The following PAXIP1 variants were observed in gnomAD, a reference collection of about 807,000 sequenced individuals.
PAXIP1 encodes the protein PAX interacting protein 1.
In PAXIP1, 19 loss-of-function variants were observed where a neutral mutation model predicts 140.6. The observed-to-expected ratio is 0.14, with a 90% CI of 0.09 to 0.20. The LOEUF (loss-of-function observed/expected upper bound fraction) is 0.20, where lower values mean the gene tolerates loss of function less well. Ranked by LOEUF, PAXIP1 falls within the 10% of genes least tolerant of loss-of-function variation. PAXIP1 has a pLI of 1.00. For synonymous variants in PAXIP1, 442 were observed against 444.6 expected (o/e 0.99, Z 0.07); for missense variants, 920 against 1,208.6 (o/e 0.76, Z 3.54).
In PAXIP1 at chr7:154,986,275, T is replaced by C. The variant is rs922980751; in HGVS notation, c.325-2943A>G. 6.5e-6 allele frequency: 5 copies of C among 763,944 alleles called. No individual in the cohort carries two copies. Among genetic ancestry groups the C allele is most frequent in the East Asian group, 6.3e-5 (1 of 15,804 alleles). The allele number at this position is 763,944 out of a possible 1,614,324, so 47.3% of individuals were successfully genotyped here. On this transcript the variant is annotated intron_variant, in intron 4 of 20. Transcript: ENST00000404141. This position sits in a 1 kb window ranked among gnomAD's most constrained non-coding sequence, Gnocchi z 4.8. Reference sequence around the variant, plus strand: ...CCTGGCGTGTGCATGTGAGTGTGTGTGCGCATGGGTGCTCCAGTGTGCAGA... The same window carrying C: ...CCTGGCGTGTGCATGTGAGTGTGTGCGCGCATGGGTGCTCCAGTGTGCAGA...
At position 154,963,960 on chromosome 7, in the gene PAXIP1, T is replaced by A; in HGVS notation, c.1894-194A>T. On this transcript the variant is annotated intron_variant, in intron 8 of 20. Transcript: ENST00000404141. This position sits in a 1 kb window ranked among gnomAD's most constrained non-coding sequence, Gnocchi z 4.1. ...ACCATACAATGAAAATGAACTCCAA[T>A]ACTCTAAATTTAATCTGAATTCCCA... 2 of 551,740 alleles carry A rather than the reference T, an allele frequency of 3.6e-6. No homozygotes were observed. The highest frequency in any genetic ancestry group is 4.3e-5 in the South Asian group (2 of 46,786). 34.2% of individuals were successfully genotyped at this position (551,740 alleles called of 1,614,324 possible).
chr7:154,953,529 G>A (rs1378796474), intron 16 of PAXIP1, among the ~76,000 whole-genome samples: 1 of 152,100 alleles, frequency 6.6e-6, no homozygotes, highest in Non-Finnish European at 1.5e-5. Flanking sequence ...GAGGATGGAG[G>A]ACACAGCTGG....
chr7:154,961,184 G>T, intron 11 of PAXIP1, 107 bp from the exon 12 acceptor site: 1 of 900,152 alleles, frequency 1.1e-6, no homozygotes, highest in Non-Finnish European at 1.6e-6. Context: ...TCTCATAATA[G>T]AAGTGGGAGG....
At chr7:154,999,699 G>A in intron 1 of PAXIP1, among the ~76,000 whole-genome samples, 1 of 152,162 alleles carries the variant, frequency 6.6e-6, no homozygotes, top group Non-Finnish European at 1.5e-5. Flanking sequence ...ACAAGGACGT[G>A]TTTTAGTTTG....
At chr7:154,945,521 A>G in intron 20 of PAXIP1, 1 of 985,402 alleles carries the variant, frequency 1.0e-6, no homozygotes, top group Non-Finnish European at 1.2e-6. Flanking sequence ...GCCTTACTGA[A>G]GCAGTCCTAT....
At chr7:155,000,810 T>C (rs1810853908) in intron 1 of PAXIP1, 1 of 152,252 alleles carries the variant, frequency 6.6e-6, no homozygotes, top group South Asian at 2.1e-4. Context: ...AATGCCTTCA[T>C]TCCTCAGCAC....
At chr7:154,969,526 G>A (rs1372606584) in intron 6 of PAXIP1, among the ~76,000 whole-genome samples, 4 of 152,208 alleles carry the variant, frequency 2.6e-5, no homozygotes, top group East Asian at 3.9e-4. Context: ...CATCAGCTCC[G>A]CAGACCCTCT....
chr7:154,954,154 AG>A lies in PAXIP1; in HGVS notation c.2821+100del. On this transcript the variant is annotated intron_variant, in intron 16 of 20. Coordinates refer to ENST00000404141, the MANE Select transcript of PAXIP1 (RefSeq NM_007349.4). This position sits in a 1 kb window ranked among gnomAD's most constrained non-coding sequence, Gnocchi z 5.1. Reference sequence around the variant, plus strand: ...AAATTTAAATGAATAACTATCACATAGTTTAAAAATTAAATATTTGTTGGGA... The same window carrying A: ...AAATTTAAATGAATAACTATCACATATTTAAAAATTAAATATTTGTTGGGA... The A allele has an allele frequency of 1.2e-6, 1 of 823,028 alleles. No individual in the cohort carries two copies. The highest frequency in any genetic ancestry group is 1.8e-6 in the Non-Finnish European group (1 of 562,438). 51.0% of individuals were successfully genotyped at this position (823,028 alleles called of 1,614,324 possible).
chr7:154,985,436 C>T (rs943721403), intron 4 of PAXIP1, among the ~76,000 whole-genome samples: 1 of 152,174 alleles, frequency 6.6e-6, no homozygotes, highest in Non-Finnish European at 1.5e-5. Flanking sequence ...GCACTGCCCC[C>T]ACGTGCACCT....
At chr7:154,985,503 C>T (rs1002887622) in intron 4 of PAXIP1, among the ~76,000 whole-genome samples, 1 of 152,146 alleles carries the variant, frequency 6.6e-6, no homozygotes, top group African/African-American at 2.4e-5. Context: ...CTCCGACCTC[C>T]TCCTCTAAGA....
chr7:154,982,401 G>C (rs1809884589), intron 5 of PAXIP1, among the ~76,000 whole-genome samples: 1 of 146,850 alleles, frequency 6.8e-6, no homozygotes, highest in Non-Finnish European at 1.5e-5. Context: ...ATCCAGACTG[G>C]AGTGCAGTGG....
At chr7:154,999,395 C>T (rs1446287087) in intron 1 of PAXIP1, among the ~76,000 whole-genome samples, 2 of 152,134 alleles carry the variant, frequency 1.3e-5, no homozygotes, top group Non-Finnish European at 2.9e-5. Context: ...AAAAGTAGCA[C>T]AGATTTCATA....
chr7:154,987,183 C>A (rs1017724502), intron 4 of PAXIP1, among the ~76,000 whole-genome samples: 4 of 152,180 alleles, frequency 2.6e-5, no homozygotes, highest in Admixed American at 6.5e-5. Context: ...TCTACTTAGA[C>A]CCCTTAGCCT....
In PAXIP1 at chr7:154,986,785, C is replaced by T. The variant is rs138741365; in HGVS notation, c.325-3453G>A. On this transcript the variant is annotated intron_variant, in intron 4 of 20. Coordinates refer to ENST00000404141, the MANE Select transcript of PAXIP1 (RefSeq NM_007349.4). This position sits in a 1 kb window ranked among gnomAD's most constrained non-coding sequence, Gnocchi z 4.8. Reference sequence around the variant, plus strand: ...ACACACTGGGGATTCCAATTCATCACGCTAAGTGATGAACTGCGGGAAGTA... The same window carrying T: ...ACACACTGGGGATTCCAATTCATCATGCTAAGTGATGAACTGCGGGAAGTA... Among the ~76,000 whole-genome samples, 974 of 152,242 alleles carry T rather than the reference C, an allele frequency of 6.4e-3. 14 individuals carry two copies. Among genetic ancestry groups the T allele is most frequent in the African/African-American group, 0.022 (933 of 41,556 alleles).
In PAXIP1 at chr7:154,954,482, GAC is replaced by G; in HGVS notation, c.2653-61_2653-60del. ...AGTTCAGCATCCACAGAGCCACACT[GAC>G]ACAGAGTAACACAGAGGAATATCTA... On this transcript the variant is annotated intron_variant, in intron 15 of 20. Transcript: ENST00000404141. The surrounding 1 kb of genome is among the most constrained non-coding windows in gnomAD (Gnocchi z 5.1). The G allele has an allele frequency of 8.2e-7, 1 of 1,219,034 alleles. No individual in the cohort carries two copies. Among genetic ancestry groups the G allele is most frequent in the African/African-American group, 1.5e-5 (1 of 65,302 alleles). 75.5% of individuals were successfully genotyped at this position (1,219,034 alleles called of 1,614,324 possible).
intron 4 of PAXIP1, among the ~76,000 whole-genome samples, chr7:154,988,503 A>G (rs1250381395): frequency 6.6e-6 from 1 of 152,256 alleles, no homozygotes; most frequent in Non-Finnish European, 1.5e-5. Flanking sequence ...AGTTCTTTGG[A>G]AGACTAATAA....
At chr7:155,001,330 G>A (rs1810876340) in intron 1 of PAXIP1, 1 of 151,788 alleles carries the variant, frequency 6.6e-6, no homozygotes, top group South Asian at 2.1e-4. Flanking sequence ...TAGGAAGGAG[G>A]GGGAAGAGAA....
intron 15 of PAXIP1, among the ~76,000 whole-genome samples, 164 bp downstream of exon 15, chr7:154,955,365 T>C (rs1296886854): frequency 1.3e-5 from 2 of 152,202 alleles, no homozygotes; most frequent in African/African-American, 2.4e-5. Context: ...ACTAAATATT[T>C]AGTTATTACT....
chr7:155,001,420 G>C (rs980938467), intron 1 of PAXIP1: 1 of 151,100 alleles, frequency 6.6e-6, no homozygotes, highest in Admixed American at 6.6e-5. Flanking sequence ...ACTGGAAAAA[G>C]CTAACACTGT....
Sources: gnomAD v4.1 joint callset for allele counts (sites outside exome capture counted in the v4.1 genomes callset) on GRCh38, gnomAD v4.1.1 for gene constraint, Gnocchi (gnomAD v3.1) non-coding constraint, MANE v1.5 for transcripts, NCBI Gene and HGNC (gene_info 2026-07-23, HGNC 2026-07-21) for gene names.